The following SAMD4A variants were observed in gnomAD, a reference collection of about 807,000 sequenced individuals.
SAMD4A encodes the protein sterile alpha motif domain containing 4A, also known as protein Smaug homolog 1.
SAMD4A carries 33 observed loss-of-function variants against 81.3 expected under a neutral mutation model. That is an observed-to-expected ratio of 0.41 (90% CI 0.31 to 0.54). The LOEUF is 0.54. Among genes scored for constraint, SAMD4A ranks in the 20% least tolerant of loss-of-function variants. SAMD4A has a pLI of 0.37. For synonymous variants in SAMD4A, 389 were observed against 382.1 expected (o/e 1.02, Z -0.21); for missense variants, 854 against 951.1 (o/e 0.90, Z 1.34).
chr14:54,579,920 G>C (rs2033416832), intron 2 of SAMD4A, among the ~76,000 whole-genome samples: 1 of 152,226 alleles, frequency 6.6e-6, no homozygotes, highest in Non-Finnish European at 1.5e-5. Flanking sequence ...CAGTCTGAGG[G>C]CTGTAAATTA....
Position 54,750,858 on chromosome 14 carries a change from G to A in SAMD4A, c.1090-593G>A, listed in dbSNP as rs181920406. 2.2e-3 allele frequency among the ~76,000 whole-genome samples: 333 copies of A among 152,312 alleles called. 1 individual carries two copies. The highest frequency in any genetic ancestry group is 3.9e-3 in the Non-Finnish European group (268 of 68,032). ...AAGGCTGTGAAGAAATTTCATGCTG[G>A]GTATAATAATTGGCTGTTCCACATC... is the stretch of plus-strand genomic sequence containing the variant. On this transcript the variant is annotated intron_variant, in intron 5 of 12. Transcript: ENST00000554335.
intron 2 of SAMD4A, among the ~76,000 whole-genome samples, chr14:54,582,546 T>C (rs1566531688): frequency 6.6e-6 from 1 of 152,104 alleles, no homozygotes; most frequent in Non-Finnish European, 1.5e-5. Context: ...GACACTGCCA[T>C]GTTAGGTGAG....
At position 54,620,915 on chromosome 14, in the gene SAMD4A, A is replaced by T. The variant is rs183552654; in HGVS notation, c.196+52803A>T. On this transcript the variant is annotated intron_variant, in intron 2 of 12. Coordinates refer to ENST00000554335, the MANE Select transcript of SAMD4A (RefSeq NM_015589.6). ...GCTGGGACTGCAGGTACACACCACC[A>T]TGCTGGCTGATTTTAAAATTCTTTT... 3.0e-3 allele frequency among the ~76,000 whole-genome samples: 460 copies of T among 152,312 alleles called. 2 individuals carry two copies. The highest frequency in any genetic ancestry group is 5.0e-3 in the Non-Finnish European group (342 of 68,024).
chr14:54,665,183 ATTG>A (rs1411539805), intron 2 of SAMD4A, among the ~76,000 whole-genome samples: 1 of 152,192 alleles, frequency 6.6e-6, no homozygotes, highest in Non-Finnish European at 1.5e-5. Flanking sequence ...CAGTGAGGTG[ATTG>A]TTATCTTTAA....
chr14:54,776,591 G>C lies in SAMD4A; in HGVS notation c.2044+51G>C, dbSNP rs191206158. On this transcript the variant is annotated intron_variant, in intron 11 of 12. Coordinates refer to ENST00000554335, the MANE Select transcript of SAMD4A (RefSeq NM_015589.6). ...TTGACACAGAGGGGAGGCCAAAATA[G>C]ATGCCCTAGCAAACCCAGCCAGAAA... is the stretch of plus-strand genomic sequence containing the variant. The C allele has an allele frequency of 6.2e-6, 9 of 1,459,206 alleles. No homozygotes were observed. In the East Asian group the frequency reaches 1.9e-4, roughly 31 times the overall value. The allele number at this position is 1,459,206 out of a possible 1,614,324, so 90.4% of individuals were successfully genotyped here.
At chr14:54,756,415 A>C (rs2038240383) in intron 6 of SAMD4A, among the ~76,000 whole-genome samples, 1 of 152,144 alleles carries the variant, frequency 6.6e-6, no homozygotes, top group Admixed American at 6.5e-5. Context: ...TCCTTTCCTG[A>C]AACATGCAGT....
At chr14:54,764,568 ATT>A in intron 8 of SAMD4A, 28 bp downstream of exon 8, 5 of 1,238,970 alleles carry the variant, frequency 4.0e-6, no homozygotes, top group Non-Finnish European at 5.6e-6. Context: ...TTACAAAACC[ATT>A]TTTTTTTTAT....
intron 3 of SAMD4A, among the ~76,000 whole-genome samples, chr14:54,708,038 G>C (rs1266384054): frequency 2.6e-5 from 4 of 152,176 alleles, no homozygotes; most frequent in Non-Finnish European, 1.5e-5. Flanking sequence ...CATTTTAAAA[G>C]GTTCTCTTTG....
intron 8 of SAMD4A, among the ~76,000 whole-genome samples, chr14:54,766,296 A>G (rs1390411039): frequency 6.6e-6 from 1 of 152,202 alleles, no homozygotes; most frequent in Non-Finnish European, 1.5e-5. Flanking sequence ...AGAATGTTAC[A>G]ACTCGTCCAT....
chr14:54,688,224 G>T, intron 2 of SAMD4A: 1 of 985,454 alleles, frequency 1.0e-6, no homozygotes, highest in Non-Finnish European at 1.2e-6. Context: ...GTTACTGCAT[G>T]TCTTGTGGGT....
intron 2 of SAMD4A, chr14:54,652,965 GC>G (rs1276373358): frequency 1.3e-5 from 2 of 151,960 alleles, no homozygotes; most frequent in Non-Finnish European, 2.9e-5. Context: ...CCCTCTGTGA[GC>G]CTTCTCTTTC....
chr14:54,673,807 T>C (rs569395096), intron 2 of SAMD4A, among the ~76,000 whole-genome samples: 1 of 152,340 alleles, frequency 6.6e-6, no homozygotes, highest in African/African-American at 2.4e-5. Flanking sequence ...TGAAGGGAGA[T>C]CAAATTTCGG....
chr14:54,622,589 G>T (rs1379301603), intron 2 of SAMD4A, among the ~76,000 whole-genome samples: 1 of 152,242 alleles, frequency 6.6e-6, no homozygotes, highest in Non-Finnish European at 1.5e-5. Flanking sequence ...TTGTTCCTGA[G>T]TGTGAAGAGC....
chr14:54,689,456 C>T (rs1210044284), intron 2 of SAMD4A, among the ~76,000 whole-genome samples: 9 of 152,188 alleles, frequency 5.9e-5, no homozygotes, highest in Admixed American at 4.6e-4. Flanking sequence ...GTAACTCAAA[C>T]ATCACCAATC....
intron 3 of SAMD4A, among the ~76,000 whole-genome samples, chr14:54,719,736 C>G (rs1286981971): frequency 2.0e-5 from 3 of 152,172 alleles, no homozygotes. Flanking sequence ...GGAGAAATAG[C>G]TTAACCTCTC....
At chr14:54,780,400 T>G (rs1029109874) in intron 11 of SAMD4A, among the ~76,000 whole-genome samples, 1 of 152,212 alleles carries the variant, frequency 6.6e-6, no homozygotes, top group African/African-American at 2.4e-5. Context: ...GGCTCCAGGC[T>G]GTTATTTTTC....
chr14:54,636,230 C>G (rs557469651), intron 2 of SAMD4A, among the ~76,000 whole-genome samples: 1 of 152,224 alleles, frequency 6.6e-6, no homozygotes, highest in East Asian at 1.9e-4. Context: ...AAGGTTGTTT[C>G]ATGCACTGGG....
At chr14:54,688,674 A>C (rs1045679501) in intron 2 of SAMD4A, among the ~76,000 whole-genome samples, 3 of 152,176 alleles carry the variant, frequency 2.0e-5, no homozygotes, top group African/African-American at 4.8e-5. Flanking sequence ...TGACTTAAAA[A>C]AAAATCCAAC....
Position 54,567,824 on chromosome 14 carries a change from G to T in SAMD4A, c.-93G>T, listed in dbSNP as rs142800737. 2,239 of 1,421,424 alleles carry T rather than the reference G, an allele frequency of 1.6e-3. 31 individuals carry two copies. The African/African-American group carries it at 0.029, about 18-fold the overall frequency. The allele number at this position is 1,421,424 out of a possible 1,614,324, so 88.1% of individuals were successfully genotyped here. A position where few individuals can be genotyped will look rare whatever the true frequency, so the allele number is the denominator to read the frequency against. ...CACCTTGGAACAGGAACGCGTCTCC[G>T]GCCGCGGGGCTGCGGCTCCGCCAAA... is the stretch of plus-strand genomic sequence containing the variant. On this transcript the variant is annotated 5_prime_UTR_variant, in exon 2 of 13. Transcript: ENST00000554335.
Sources: allele counts gnomAD v4.1 joint callset (sites outside exome capture counted in the v4.1 genomes callset), GRCh38; gene constraint gnomAD v4.1.1; transcripts MANE v1.5; gene names NCBI Gene and HGNC (gene_info 2026-07-23, HGNC 2026-07-21).